TMEM132B: variants seen among roughly 807,000 people sequenced by gnomAD.
TMEM132B encodes the protein transmembrane protein 132B.
Under a neutral mutation model 90.8 loss-of-function variants are expected in TMEM132B, and 18 were observed. That is an observed-to-expected ratio of 0.20 (90% CI 0.14 to 0.29). TMEM132B has a LOEUF of 0.29. Among genes scored for constraint, TMEM132B ranks in the 10% least tolerant of loss-of-function variants. The pLI, the probability that TMEM132B is intolerant of heterozygous loss-of-function variation, is 1.00. For missense variants in TMEM132B, 1,096 were observed against 1,326.8 expected (o/e 0.83, Z 2.70); for synonymous variants, 504 against 523.3 (o/e 0.96, Z 0.50).
chr12:125,540,404 G>T (rs770684996), intron 4 of TMEM132B, among the ~76,000 whole-genome samples: 56 of 152,096 alleles, frequency 3.7e-4, no homozygotes, highest in Non-Finnish European at 6.8e-4. Context: ...TTGAGAGGGG[G>T]TTTTGACATA....
At chr12:125,432,570 G>T (rs1335745460) in intron 3 of TMEM132B, among the ~76,000 whole-genome samples, 1 of 143,452 alleles carries the variant, frequency 7.0e-6, no homozygotes, top group Non-Finnish European at 1.5e-5. Context: ...GAGAGAGAAA[G>T]AGAGTGTTAG....
intron 1 of TMEM132B, among the ~76,000 whole-genome samples, chr12:125,191,537 A>T (rs12580033): frequency 0.23 from 34,658 of 152,140 alleles, 5,077 homozygotes; most frequent in East Asian, 0.44. Context: ...CCGGCCTCTG[A>T]ACCAGCCAGG....
At chr12:125,385,736 A>AT (rs1193825409) in intron 2 of TMEM132B, among the ~76,000 whole-genome samples, 5 of 152,172 alleles carry the variant, frequency 3.3e-5, no homozygotes, top group Non-Finnish European at 5.9e-5. Flanking sequence ...GGCTTAATGT[A>AT]TTTTTTATTG....
At chr12:125,600,444 G>A (rs537124153) in intron 5 of TMEM132B, among the ~76,000 whole-genome samples, 5 of 152,176 alleles carry the variant, frequency 3.3e-5, no homozygotes, top group South Asian at 4.2e-4. Context: ...ATGTTGCTCC[G>A]TTTGCTTGTC....
At position 125,349,664 on chromosome 12, in the gene TMEM132B, G is replaced by C. The variant is rs774887257; in HGVS notation, c.280G>C (p.Gly94Arg). The change falls in exon 2 of 9, where the codon GGC becomes CGC. Residue 94 changes from glycine (G) to arginine (R), a missense_variant. Gly to Arg is a moderately radical substitution (Grantham distance 125). Coordinates refer to ENST00000682704, the MANE Select transcript of TMEM132B (RefSeq NM_001366854.1). The surrounding 1 kb of genome is among the most constrained non-coding windows in gnomAD (Gnocchi z 4.1). ...RTPPIINASY[G>R]PFSVEKIIPQ... is the part of the protein sequence containing the mutation. Reference sequence around the variant, plus strand: ...ACCCCCTATTATCAATGCCAGCTATGGCCCATTTTCAGTGGAGAAGATAAT... The same window carrying C: ...ACCCCCTATTATCAATGCCAGCTATCGCCCATTTTCAGTGGAGAAGATAAT... 6.2e-7 allele frequency: 1 copy of C among 1,614,106 alleles called. No individual in the cohort carries two copies. Among genetic ancestry groups the C allele is most frequent in the Non-Finnish European group, 8.5e-7 (1 of 1,180,010 alleles).
chr12:125,524,046 T>A (rs538805622), intron 4 of TMEM132B, among the ~76,000 whole-genome samples: 21 of 152,340 alleles, frequency 1.4e-4, no homozygotes, highest in African/African-American at 4.1e-4. Flanking sequence ...ATCCTGGGAC[T>A]GGGAGGAGGA....
intron 1 of TMEM132B, among the ~76,000 whole-genome samples, chr12:125,222,334 A>G (rs1873577601): frequency 6.6e-6 from 1 of 152,234 alleles, no homozygotes; most frequent in Non-Finnish European, 1.5e-5. Flanking sequence ...TGATTAAGAC[A>G]AAAGGAAAAT....
At chr12:125,200,477 G>A (rs1424271697) in intron 1 of TMEM132B, among the ~76,000 whole-genome samples, 1 of 151,702 alleles carries the variant, frequency 6.6e-6, no homozygotes, top group African/African-American at 2.4e-5. Flanking sequence ...TTTTTGAATT[G>A]CTGGCTAGTA....
intron 4 of TMEM132B, among the ~76,000 whole-genome samples, chr12:125,575,300 AT>A (rs1004427018): frequency 4.6e-5 from 7 of 150,960 alleles, no homozygotes; most frequent in African/African-American, 1.7e-4. Context: ...TTTGGTTTAC[AT>A]TTCCTTAATG....
At chr12:125,323,190 C>T (rs1054118734) in intron 1 of TMEM132B, among the ~76,000 whole-genome samples, 4 of 152,198 alleles carry the variant, frequency 2.6e-5, no homozygotes, top group African/African-American at 9.6e-5. Context: ...AATCCCAGCA[C>T]TTTGGGAGGC....
At chr12:125,572,442 C>A (rs530161499) in intron 4 of TMEM132B, among the ~76,000 whole-genome samples, 1 of 152,336 alleles carries the variant, frequency 6.6e-6, no homozygotes, top group Admixed American at 6.5e-5. Context: ...AAGGCACCAT[C>A]TTGGAAGCAG....
chr12:125,433,394 C>G (rs1263285425), intron 3 of TMEM132B, among the ~76,000 whole-genome samples: 1 of 152,088 alleles, frequency 6.6e-6, no homozygotes, highest in Non-Finnish European at 1.5e-5. Flanking sequence ...ACCCTCGGGT[C>G]ATTCCTCTTT....
Position 125,206,505 on chromosome 12 carries a change from C to T in TMEM132B, c.67+19639C>T, listed in dbSNP as rs143540286. Among the ~76,000 whole-genome samples, 952 of 152,130 alleles carry T rather than the reference C, an allele frequency of 6.3e-3. 10 individuals are homozygous for T. Among genetic ancestry groups the T allele is most frequent in the African/African-American group, 0.022 (913 of 41,504 alleles). On this transcript the variant is annotated intron_variant, in intron 1 of 8. Coordinates refer to ENST00000682704, the MANE Select transcript of TMEM132B (RefSeq NM_001366854.1). ...CACCCACCTCGGCCTCCCAAAGTGT[C>T]GGGATTACAGGAGTGAACTACTGCC... is the stretch of plus-strand genomic sequence containing the variant.
chr12:125,595,862 T>G (rs1885426876), intron 5 of TMEM132B, among the ~76,000 whole-genome samples: 1 of 127,750 alleles, frequency 7.8e-6, no homozygotes, highest in Non-Finnish European at 1.6e-5. Context: ...TGCTTATTTC[T>G]CAGGGCGGCT....
intron 1 of TMEM132B, among the ~76,000 whole-genome samples, chr12:125,323,505 G>C (rs1337215525): frequency 9.3e-6 from 1 of 107,278 alleles, no homozygotes; most frequent in Non-Finnish European, 1.8e-5. Flanking sequence ...CTGCCTCTCA[G>C]CTTCTTTGTT....
intron 1 of TMEM132B, among the ~76,000 whole-genome samples, chr12:125,268,590 T>C (rs1254491951): frequency 6.6e-6 from 1 of 152,176 alleles, no homozygotes; most frequent in Non-Finnish European, 1.5e-5. Flanking sequence ...TGTGACTATG[T>C]TAAAAAGAAA....
chr12:125,315,478 C>T (rs1406914961), intron 1 of TMEM132B, among the ~76,000 whole-genome samples: 3 of 152,330 alleles, frequency 2.0e-5, no homozygotes, highest in South Asian at 2.1e-4. Context: ...AGATTAAAGG[C>T]GTGAACCACC....
chr12:125,283,177 G>A (rs11058126), intron 1 of TMEM132B, among the ~76,000 whole-genome samples: 15,680 of 152,078 alleles, frequency 0.1, 869 homozygotes, highest in South Asian at 0.14. Flanking sequence ...TGATCTGTTT[G>A]GCAAATCCTT....
At chr12:125,263,481 G>A (rs916000420) in intron 1 of TMEM132B, among the ~76,000 whole-genome samples, 6 of 152,290 alleles carry the variant, frequency 3.9e-5, no homozygotes, top group African/African-American at 1.4e-4. Flanking sequence ...CACTTGGCGA[G>A]GACGTTGTGT....
Sources: gnomAD v4.1 joint callset for allele counts (sites outside exome capture counted in the v4.1 genomes callset) on GRCh38, gnomAD v4.1.1 for gene constraint, Gnocchi (gnomAD v3.1) non-coding constraint, MANE v1.5 for transcripts, NCBI Gene and HGNC (gene_info 2026-07-23, HGNC 2026-07-21) for gene names.